NEGR1: variants seen among roughly 807,000 people sequenced by gnomAD.
The protein encoded by NEGR1 is neuronal growth regulator 1, also known as IgLON family member 4.
Under a neutral mutation model 40.9 loss-of-function variants are expected in NEGR1, and 10 were observed. The observed-to-expected ratio is 0.24, with a 90% CI of 0.15 to 0.42. The LOEUF (loss-of-function observed/expected upper bound fraction) is 0.42, where lower values mean the gene tolerates loss of function less well. Ranked by LOEUF, NEGR1 falls within the 10% of genes least tolerant of loss-of-function variation. The pLI, the probability that NEGR1 is intolerant of heterozygous loss-of-function variation, is 1.00. For missense variants in NEGR1, 352 were observed against 438.9 expected (o/e 0.80, Z 1.77); for synonymous variants, 185 against 166.8 (o/e 1.11, Z -0.84).
At chr1:71,935,354 A>T in intron 1 of NEGR1, 43 bp from the exon 2 acceptor site, 1 of 1,310,696 alleles carries the variant, frequency 7.6e-7, no homozygotes, top group East Asian at 2.3e-5. Flanking sequence ...CAAAATAAAA[A>T]TGAGAGACAA....
In NEGR1 at chr1:71,683,638, A is replaced by AT. The variant is rs1055769524; in HGVS notation, c.667+14369dup. ...ATACTTAGTTTGATAGCATTCTTTCATTTTTTCATAATAAAAGACTATTAA... is the reference window on the plus strand; with the variant it reads ...ATACTTAGTTTGATAGCATTCTTTCATTTTTTTCATAATAAAAGACTATTAA... On this transcript the variant is annotated intron_variant, in intron 4 of 6. Coordinates refer to ENST00000357731, the MANE Select transcript of NEGR1 (RefSeq NM_173808.3). Among the ~76,000 whole-genome samples the AT allele has an allele frequency of 1.3e-5, 2 of 151,620 alleles. 1 individual carries two copies. Among genetic ancestry groups the AT allele is most frequent in the African/African-American group, 4.8e-5 (2 of 41,270 alleles).
At chr1:71,430,085 A>C (rs1425690453) in intron 6 of NEGR1, among the ~76,000 whole-genome samples, 1 of 152,218 alleles carries the variant, frequency 6.6e-6, no homozygotes, top group East Asian at 1.9e-4. Flanking sequence ...CCCACTGCAG[A>C]GTCCCTGCTC....
At chr1:71,902,001 A>T (rs1011009599) in intron 2 of NEGR1, among the ~76,000 whole-genome samples, 1 of 152,162 alleles carries the variant, frequency 6.6e-6, no homozygotes, top group Admixed American at 6.5e-5. Flanking sequence ...GATTTAAACC[A>T]TAACACCACA....
At chr1:71,483,136 G>A in intron 6 of NEGR1, among the ~76,000 whole-genome samples, 1 of 151,558 alleles carries the variant, frequency 6.6e-6, no homozygotes, top group East Asian at 1.9e-4. Flanking sequence ...CAGGGAAACA[G>A]CCAGTATATT....
At chr1:71,879,480 A>G (rs1383796146) in intron 2 of NEGR1, among the ~76,000 whole-genome samples, 1 of 152,180 alleles carries the variant, frequency 6.6e-6, no homozygotes, top group African/African-American at 2.4e-5. Flanking sequence ...CAAATCAACC[A>G]CATATTTTTG....
intron 1 of NEGR1, among the ~76,000 whole-genome samples, chr1:72,145,918 G>T (rs1432875045): frequency 6.6e-6 from 1 of 151,940 alleles, no homozygotes; most frequent in African/African-American, 2.4e-5. Context: ...GTGACCTATT[G>T]TTTTGGATAT....
chr1:71,696,783 T>C (rs1653487965), intron 4 of NEGR1, among the ~76,000 whole-genome samples: 1 of 151,830 alleles, frequency 6.6e-6, no homozygotes, highest in Admixed American at 6.6e-5. Context: ...CCAAGGATTC[T>C]GATTCAGCAT....
rs544950960 is a variant in NEGR1 at position 72,062,458 on chromosome 1, A to G, written c.177-127147T>C. Among the ~76,000 whole-genome samples, 5 of 152,092 alleles carry G rather than the reference A, an allele frequency of 3.3e-5. No homozygotes were observed. The East Asian group carries it at 9.7e-4, about 29-fold the overall frequency. On this transcript the variant is annotated intron_variant, in intron 1 of 6. Coordinates refer to ENST00000357731, the MANE Select transcript of NEGR1 (RefSeq NM_173808.3). Reference sequence around the variant, plus strand: ...CATTTATATCTATCTCTCTTTGAAGAGGAAAAAGACTTCTTGTTCATCTTT... The same window carrying G: ...CATTTATATCTATCTCTCTTTGAAGGGGAAAAAGACTTCTTGTTCATCTTT...
intron 3 of NEGR1, among the ~76,000 whole-genome samples, chr1:71,741,373 G>T (rs1260672267): frequency 6.6e-6 from 1 of 152,128 alleles, no homozygotes; most frequent in Admixed American, 6.5e-5. Context: ...TGCCAATACT[G>T]ATCAGTCTTA....
intron 5 of NEGR1, among the ~76,000 whole-genome samples, chr1:71,610,581 A>C (rs550093386): frequency 2.0e-5 from 3 of 152,264 alleles, no homozygotes; most frequent in African/African-American, 7.2e-5. Flanking sequence ...TGTTCTGTAA[A>C]ACAAAATGTT....
intron 3 of NEGR1, among the ~76,000 whole-genome samples, chr1:71,725,802 T>C (rs1654652337): frequency 6.6e-6 from 1 of 152,104 alleles, no homozygotes; most frequent in Non-Finnish European, 1.5e-5. Flanking sequence ...TTTCTAGTTT[T>C]TATTTTGAAA....
At chr1:71,453,210 G>T (rs1490209561) in intron 6 of NEGR1, among the ~76,000 whole-genome samples, 1 of 152,114 alleles carries the variant, frequency 6.6e-6, no homozygotes, top group East Asian at 1.9e-4. Flanking sequence ...GTGTTTTATG[G>T]ATTCAGGGAG....
chr1:72,264,946 TTAATA>T (rs1347136023), intron 1 of NEGR1, among the ~76,000 whole-genome samples: 8 of 150,824 alleles, frequency 5.3e-5, no homozygotes, highest in African/African-American at 1.2e-4. Context: ...GAAGATTATG[TTAATA>T]TAATAAATTT....
intron 1 of NEGR1, among the ~76,000 whole-genome samples, chr1:72,059,369 A>T (rs971003536): frequency 2.6e-5 from 4 of 151,626 alleles, no homozygotes; most frequent in African/African-American, 9.7e-5. Context: ...TTCTGTAGAT[A>T]CATAGACCAT....
chr1:72,231,603 AATTT>A (rs1470479596), intron 1 of NEGR1, among the ~76,000 whole-genome samples: 1 of 152,154 alleles, frequency 6.6e-6, no homozygotes, highest in African/African-American at 2.4e-5. Flanking sequence ...ACATGTGATT[AATTT>A]ATCATTATTT....
chr1:72,044,984 C>T (rs1646988312), intron 1 of NEGR1, among the ~76,000 whole-genome samples: 1 of 151,700 alleles, frequency 6.6e-6, no homozygotes, highest in East Asian at 1.9e-4. Context: ...AATTATAGGG[C>T]TTTTTCCCTC....
intron 1 of NEGR1, among the ~76,000 whole-genome samples, chr1:71,979,114 A>AC (rs1646332692): frequency 6.6e-6 from 1 of 152,142 alleles, no homozygotes; most frequent in African/African-American, 2.4e-5. Context: ...GAAATAGAAA[A>AC]CAAATACTGC....
chr1:72,249,425 A>C (rs2100527750), intron 1 of NEGR1, among the ~76,000 whole-genome samples: 1 of 152,346 alleles, frequency 6.6e-6, no homozygotes, highest in South Asian at 2.1e-4. Flanking sequence ...ATATGTAAAA[A>C]TATGATGTGA....
intron 4 of NEGR1, among the ~76,000 whole-genome samples, chr1:71,665,279 A>T (rs982199165): frequency 6.6e-6 from 1 of 152,216 alleles, no homozygotes; most frequent in African/African-American, 2.4e-5. Flanking sequence ...ACTTCACCTC[A>T]GTTAAATTCT....
Sources: allele counts gnomAD v4.1 joint callset (sites outside exome capture counted in the v4.1 genomes callset), GRCh38; gene constraint gnomAD v4.1.1; transcripts MANE v1.5; gene names NCBI Gene and HGNC (gene_info 2026-07-23, HGNC 2026-07-21).